Variants in FBXW11 observed in about 807,000 individuals in gnomAD.
The protein encoded by FBXW11 is F-box/WD repeat-containing protein 11.
In FBXW11, 19 loss-of-function variants were observed where a neutral mutation model predicts 77.6. The observed-to-expected ratio is 0.24, with a 90% CI of 0.17 to 0.36. FBXW11 has a LOEUF of 0.36. FBXW11 is among the 10% of genes least tolerant of loss of function. The pLI, the probability that FBXW11 is intolerant of heterozygous loss-of-function variation, is 1.00. For synonymous variants in FBXW11, 235 were observed against 249.4 expected (o/e 0.94, Z 0.54); for missense variants, 334 against 704.2 (o/e 0.47, Z 5.95).
At chr5:171,939,715 AAAAG>A (rs1312979884) in intron 2 of FBXW11, among the ~76,000 whole-genome samples, 2 of 148,090 alleles carry the variant, frequency 1.4e-5, no homozygotes, top group African/African-American at 2.6e-5. Flanking sequence ...AAAAAAAAAA[AAAAG>A]AAAGAAAGAA....
chr5:171,948,529 G>A (rs1041811798), intron 2 of FBXW11, among the ~76,000 whole-genome samples: 1 of 151,874 alleles, frequency 6.6e-6, no homozygotes, highest in African/African-American at 2.4e-5. Flanking sequence ...CTTGAGCCCA[G>A]GAGTTCGAGA....
chr5:171,878,582 G>C, intron 7 of FBXW11, among the ~76,000 whole-genome samples: 1 of 71,600 alleles, frequency 1.4e-5, no homozygotes, highest in Non-Finnish European at 3.5e-5. Context: ...GTGTGTGTGT[G>C]TGTGTGTGTA....
At chr5:171,914,531 G>T in intron 2 of FBXW11, 126 bp from the exon 3 acceptor site, 1 of 702,206 alleles carries the variant, frequency 1.4e-6, no homozygotes, top group Non-Finnish European at 2.2e-6. Flanking sequence ...ATTTGGCTTT[G>T]TGGCTAACAC....
At chr5:171,972,042 G>A (rs1764560286) in intron 1 of FBXW11, among the ~76,000 whole-genome samples, 1 of 150,810 alleles carries the variant, frequency 6.6e-6, no homozygotes, top group Non-Finnish European at 1.5e-5. Flanking sequence ...GACCAGCCTG[G>A]GCAACACGGT....
At chr5:171,881,038 C>T (rs1260355342) in intron 7 of FBXW11, among the ~76,000 whole-genome samples, 1 of 152,186 alleles carries the variant, frequency 6.6e-6, no homozygotes, top group African/African-American at 2.4e-5. Context: ...TTGTTCATTG[C>T]TGCTATATGG....
rs552215356 is a variant in FBXW11, at chr5:171,862,336, G to A, written c.*1791C>T. ...GGAAGGAAGGATTTTATTTTTAAAA[G>A]AAAAACTAAAAAAGCAAAGCCAACT... On this transcript the variant is annotated 3_prime_UTR_variant, in exon 14 of 14. Transcript: ENST00000517395. 4 of 152,658 alleles carry A rather than the reference G, an allele frequency of 2.6e-5. No individual in the cohort carries two copies. Among genetic ancestry groups the A allele is most frequent in the Admixed American group, 6.5e-5 (1 of 15,292 alleles). The allele number at this position is 152,658 out of a possible 1,614,324, so 9.5% of individuals were successfully genotyped here.
At chr5:171,973,436 G>C (rs181291709) in intron 1 of FBXW11, among the ~76,000 whole-genome samples, 2 of 152,292 alleles carry the variant, frequency 1.3e-5, no homozygotes, top group South Asian at 2.1e-4. Context: ...GCAATAATTT[G>C]AGGAAAGCTA....
intron 1 of FBXW11, among the ~76,000 whole-genome samples, chr5:171,975,865 C>G (rs1764801036): frequency 6.6e-6 from 1 of 152,160 alleles, no homozygotes; most frequent in Admixed American, 6.5e-5. Flanking sequence ...TCTCTTGGAT[C>G]ACACAGATTT....
chr5:171,943,699 T>C lies in FBXW11; in HGVS notation c.147+13898A>G, dbSNP rs371495377. Among the ~76,000 whole-genome samples the C allele has an allele frequency of 1.3e-4, 20 of 152,314 alleles. No individual in the cohort carries two copies. The East Asian group carries it at 3.5e-3, about 26-fold the overall frequency. ...CTCCTGACCTCATGATCCGCCCGCC[T>C]CGGCCTCCCAAAGTGCTGCGATAAC... On this transcript the variant is annotated intron_variant, in intron 2 of 13. Transcript: ENST00000517395.
At chr5:171,916,163 T>A (rs185460261) in intron 2 of FBXW11, among the ~76,000 whole-genome samples, 2 of 146,914 alleles carry the variant, frequency 1.4e-5, no homozygotes, top group Non-Finnish European at 3.0e-5. Flanking sequence ...GGGTGGAGCA[T>A]ACCAACATGG....
intron 3 of FBXW11, among the ~76,000 whole-genome samples, chr5:171,912,860 A>T (rs953591064): frequency 6.6e-6 from 1 of 151,976 alleles, no homozygotes; most frequent in African/African-American, 2.4e-5. Context: ...CAGTGAGCTG[A>T]GATTGCACCA....
chr5:171,941,863 G>C (rs2113178813), intron 2 of FBXW11, among the ~76,000 whole-genome samples: 1 of 151,030 alleles, frequency 6.6e-6, no homozygotes, highest in South Asian at 2.1e-4. Context: ...TGTAGTGTCA[G>C]TCAGTGCTAG....
rs146880247 is a variant in FBXW11, at chr5:171,876,468, G to A, written c.1038C>T (p.His346=). 7.2e-4 allele frequency: 1,160 copies of A among 1,614,176 alleles called. 4 individuals carry two copies. In the African/African-American group the frequency reaches 0.013, roughly 18 times the overall value. The change falls in exon 9 of 14, where the codon CAC becomes CAT. Residue 346 remains histidine, a synonymous_variant. Coordinates refer to ENST00000517395, the MANE Select transcript of FBXW11 (RefSeq NM_001378974.1). This position sits in a 1 kb window ranked among gnomAD's most constrained non-coding sequence, Gnocchi z 4.2. The part of the protein sequence containing the change: ...TLIHHNEAVL[H]LRFSNGLMVT... ...CCATCAGTCCATTGCTGAAGCGTAA[G>A]TGCAATACAGCCTCATTGTGGTGGA...
In FBXW11 at chr5:171,900,060, G is replaced by A; in HGVS notation, c.477C>T (p.Tyr159=). ...LDHIAENILS[Y]LDARSLCAAE... ...CTGCACACAGAGACCTGGCATCCAG[G>A]TACGAAAGAATGTTTTCTGCTATGT... The change falls in exon 5 of 14, where the codon TAC becomes TAT. Residue 159 remains tyrosine, a synonymous_variant. Coordinates refer to ENST00000517395, the MANE Select transcript of FBXW11 (RefSeq NM_001378974.1). The A allele has an allele frequency of 6.2e-7, 1 of 1,613,370 alleles. No individual in the cohort carries two copies. Among genetic ancestry groups the A allele is most frequent in the East Asian group, 2.2e-5 (1 of 44,872 alleles).
intron 1 of FBXW11, among the ~76,000 whole-genome samples, chr5:171,972,766 A>G (rs1764609021): frequency 6.6e-6 from 1 of 151,974 alleles, no homozygotes; most frequent in Non-Finnish European, 1.5e-5. Flanking sequence ...GCTGGTCTTG[A>G]ACTCCTGACC....
In FBXW11 at chr5:171,957,592, G is replaced by A. The variant is rs1158769866; in HGVS notation, c.147+5C>T. ...CACATTTACAACAAGAAAGAAGAGA[G>A]GCACCTGGAGACATCTGACACTGGG... On this transcript the variant is annotated splice_donor_5th_base_variant and intron_variant, in intron 2 of 13. Transcript: ENST00000517395. The A allele has an allele frequency of 1.2e-6, 2 of 1,611,930 alleles. No individual in the cohort carries two copies. The highest frequency in any genetic ancestry group is 2.7e-5 in the African/African-American group (2 of 74,886).
intron 2 of FBXW11, among the ~76,000 whole-genome samples, chr5:171,939,358 G>T (rs892153833): frequency 3.9e-5 from 6 of 152,176 alleles, no homozygotes; most frequent in Admixed American, 3.9e-4. Context: ...AGTGACTCTT[G>T]AACTCAGTAA....
At chr5:171,911,806 A>C (rs991027001) in intron 3 of FBXW11, among the ~76,000 whole-genome samples, 1 of 152,352 alleles carries the variant, frequency 6.6e-6, no homozygotes, top group Non-Finnish European at 1.5e-5. Context: ...CTGGACAGTA[A>C]CATTAAAAAT....
At chr5:172,001,412 A>C (rs1358776501) in intron 1 of FBXW11, among the ~76,000 whole-genome samples, 1 of 152,230 alleles carries the variant, frequency 6.6e-6, no homozygotes, top group African/African-American at 2.4e-5. Context: ...CACAGGCAAA[A>C]GGCAATAATG....
Sources: allele counts gnomAD v4.1 joint callset (sites outside exome capture counted in the v4.1 genomes callset), GRCh38; gene constraint gnomAD v4.1.1; non-coding constraint Gnocchi (gnomAD v3.1); transcripts MANE v1.5; gene names NCBI Gene and HGNC (gene_info 2026-07-23, HGNC 2026-07-21).